Variants in IARS1 observed in about 807,000 individuals in gnomAD.
IARS1 encodes isoleucine--tRNA ligase, cytoplasmic.
IARS1 carries 124 observed loss-of-function variants against 168.2 expected under a neutral mutation model. The ratio of observed to expected loss-of-function variants is 0.74; its 90% confidence interval spans 0.64 to 0.86. IARS1 has a LOEUF of 0.86. Ranked by LOEUF, IARS1 falls within the 40% of genes least tolerant of loss-of-function variation. IARS1 has a pLI of 0.00. For synonymous variants in IARS1, 532 were observed against 529.4 expected (o/e 1.00, Z -0.07); for missense variants, 1,452 against 1,515.8 (o/e 0.96, Z 0.70).
chr9:92,219,624 T>A (rs922404789), intron 33 of IARS1, among the ~76,000 whole-genome samples: 8 of 151,332 alleles, frequency 5.3e-5, no homozygotes, highest in Non-Finnish European at 1.0e-4. Flanking sequence ...AACAGACACT[T>A]CTCAAAAGAA....
chr9:92,243,732 T>C (rs950868849), intron 27 of IARS1, among the ~76,000 whole-genome samples: 2 of 152,196 alleles, frequency 1.3e-5, no homozygotes, highest in African/African-American at 4.8e-5. Flanking sequence ...CGCAGTCAAC[T>C]CCAAGTGACT....
chr9:92,272,050 A>G (rs1012267288), intron 10 of IARS1, among the ~76,000 whole-genome samples: 5 of 152,260 alleles, frequency 3.3e-5, no homozygotes, highest in African/African-American at 1.2e-4. Flanking sequence ...ACAGCAGCAC[A>G]CACATCTGAA....
chr9:92,219,349 T>C lies in IARS1; in HGVS notation c.3706+3171A>G, dbSNP rs371225933. Among the ~76,000 whole-genome samples the C allele has an allele frequency of 2.3e-4, 35 of 151,882 alleles. 1 individual carries two copies. In the South Asian group the frequency reaches 2.9e-3, roughly 13 times the overall value. On this transcript the variant is annotated intron_variant, in intron 33 of 33. Coordinates refer to ENST00000443024, the MANE Select transcript of IARS1 (RefSeq NM_002161.6). ...AACCTAGGCATTACCATTCAGGACA[T>C]AGGCATGGGCAAGGACTTCATGTCT...
chr9:92,243,243 G>A lies in IARS1; in HGVS notation c.2973C>T (p.Ile991=), dbSNP rs1828708461. 1 of 1,613,460 alleles carries A rather than the reference G, an allele frequency of 6.2e-7. No homozygotes were observed. The highest frequency in any genetic ancestry group is 1.3e-5 in the African/African-American group (1 of 74,910). The change falls in exon 28 of 34, where the codon ATC becomes ATT. Residue 991 remains isoleucine, a synonymous_variant. Coordinates refer to ENST00000443024, the MANE Select transcript of IARS1 (RefSeq NM_002161.6). ...MVDEGMAREV[I]NRIQKLRKKC... ...TTTTGCGAAGTTTCTGTATGCGATT[G>A]ATGACTTCCCGAGCCATTCCTTCAT... is the stretch of plus-strand genomic sequence containing the variant.
chr9:92,221,109 C>A (rs1839606296), intron 33 of IARS1, among the ~76,000 whole-genome samples: 1 of 152,120 alleles, frequency 6.6e-6, no homozygotes. Flanking sequence ...CAGAGAAAAG[C>A]AGCACCTTAC....
intron 30 of IARS1, among the ~76,000 whole-genome samples, chr9:92,234,217 C>T (rs540684651): frequency 6.6e-6 from 1 of 152,088 alleles, no homozygotes; most frequent in African/African-American, 2.4e-5. Flanking sequence ...TTTTTATAAG[C>T]AATATGATTT....
intron 33 of IARS1, among the ~76,000 whole-genome samples, chr9:92,213,395 T>C (rs1490648009): frequency 6.6e-6 from 1 of 152,206 alleles, no homozygotes; most frequent in Non-Finnish European, 1.5e-5. Context: ...TGTAATCGGT[T>C]AATAATGGCC....
chr9:92,222,583 CTGCTTCATACAGAAGACCT>C lies in IARS1; in HGVS notation c.3624_3642del (p.Gly1209ProfsTer11). The C allele has an allele frequency of 6.2e-7, 1 of 1,614,076 alleles. No individual in the cohort carries two copies. Among genetic ancestry groups the C allele is most frequent in the South Asian group, 1.1e-5 (1 of 91,082 alleles). On this transcript the variant is annotated frameshift_variant, in exon 33 of 34. Transcript: ENST00000443024. LOFTEE classifies it high-confidence loss of function. ...CTGCTCCGAAGGCCAAACACCTTGG[CTGCTTCATACAGAAGACCT>C]TGGTGGGTGAGTCCATTCTGCCCAA...
At chr9:92,227,741 G>C (rs1016527508) in intron 31 of IARS1, among the ~76,000 whole-genome samples, 1 of 151,204 alleles carries the variant, frequency 6.6e-6, no homozygotes, top group Non-Finnish European at 1.5e-5. Flanking sequence ...GACGATGGGC[G>C]GCCGGGCAGA....
In IARS1 at chr9:92,278,296, A is replaced by T. The variant is rs778231119; in HGVS notation, c.746-10T>A. 1.2e-5 allele frequency: 19 copies of T among 1,585,826 alleles called. No individual in the cohort carries two copies. The highest frequency in any genetic ancestry group is 1.6e-5 in the Non-Finnish European group (19 of 1,154,544). On this transcript the variant is annotated splice_polypyrimidine_tract_variant and intron_variant, in intron 7 of 33. Coordinates refer to ENST00000443024, the MANE Select transcript of IARS1 (RefSeq NM_002161.6). ...CGTCCTCTGGCAACATCTACGAGAAAAAGGAAAAACATGGACTTGGGTTAT... is the reference window on the plus strand; with the variant it reads ...CGTCCTCTGGCAACATCTACGAGAATAAGGAAAAACATGGACTTGGGTTAT...
chr9:92,268,512 C>G (rs1478995039), intron 13 of IARS1, among the ~76,000 whole-genome samples: 1 of 152,188 alleles, frequency 6.6e-6, no homozygotes, highest in Admixed American at 6.5e-5. Context: ...TAGATTACCC[C>G]ACAGCACACA....
At chr9:92,254,331 ACT>A (rs1394429937) in intron 20 of IARS1, among the ~76,000 whole-genome samples, 1 of 152,164 alleles carries the variant, frequency 6.6e-6, no homozygotes, top group Non-Finnish European at 1.5e-5. Flanking sequence ...TTTAATTAAT[ACT>A]CTTTGTTACA....
chr9:92,283,005 C>T (rs905189455), intron 6 of IARS1, among the ~76,000 whole-genome samples: 1 of 151,942 alleles, frequency 6.6e-6, no homozygotes, highest in Non-Finnish European at 1.5e-5. Context: ...AAGGTTCACG[C>T]CACCACGCCC....
At chr9:92,278,397 C>G in intron 7 of IARS1, 111 bp from the exon 8 acceptor site, 1 of 744,004 alleles carries the variant, frequency 1.3e-6, no homozygotes, top group Non-Finnish European at 2.4e-6. Flanking sequence ...CCATGTGCCT[C>G]TACTGTACCC....
chr9:92,255,766 T>C (rs563072385), intron 20 of IARS1, among the ~76,000 whole-genome samples: 42 of 152,214 alleles, frequency 2.8e-4, no homozygotes, highest in African/African-American at 9.6e-4. Context: ...ATTCTGCAGA[T>C]AAAGAAACTG....
At chr9:92,261,107 G>A (rs1186081976) in intron 17 of IARS1, among the ~76,000 whole-genome samples, 3 of 152,076 alleles carry the variant, frequency 2.0e-5, no homozygotes, top group African/African-American at 7.2e-5. Flanking sequence ...TCAGGAGCTC[G>A]AGACCAGCCT....
At chr9:92,271,399 T>C (rs961671632) in intron 11 of IARS1, 134 bp downstream of exon 11, 14 of 1,107,232 alleles carry the variant, frequency 1.3e-5, no homozygotes, top group Non-Finnish European at 1.9e-5. Context: ...TGATAACATC[T>C]GTCTTTACGG....
At chr9:92,241,119 T>C (rs1242021380) in intron 29 of IARS1, among the ~76,000 whole-genome samples, 158 bp from the exon 30 acceptor site, 1 of 152,234 alleles carries the variant, frequency 6.6e-6, no homozygotes, top group Non-Finnish European at 1.5e-5. Flanking sequence ...CTACAATTTA[T>C]ATCCCATTTT....
chr9:92,289,785 T>C (rs917972792), intron 1 of IARS1, among the ~76,000 whole-genome samples: 1 of 152,236 alleles, frequency 6.6e-6, no homozygotes, highest in Non-Finnish European at 1.5e-5. Context: ...TTCATATAAA[T>C]GGGAAAATTT....
Sources: allele counts gnomAD v4.1 joint callset (sites outside exome capture counted in the v4.1 genomes callset), GRCh38; gene constraint gnomAD v4.1.1; transcripts MANE v1.5; gene names NCBI Gene and HGNC (gene_info 2026-07-23, HGNC 2026-07-21).